The following TNS3 variants were observed in gnomAD, a reference collection of about 807,000 sequenced individuals.
TNS3 encodes the protein tensin 3.
A neutral mutation model predicts 140.9 loss-of-function variants in TNS3; 45 were observed. The observed-to-expected ratio is 0.32, with a 90% CI of 0.25 to 0.41. TNS3 has a LOEUF of 0.41. Among genes scored for constraint, TNS3 ranks in the 10% least tolerant of loss-of-function variants. TNS3 has a pLI of 1.00. For synonymous variants in TNS3, 815 were observed against 788.4 expected (o/e 1.03, Z -0.56); for missense variants, 1,716 against 1,906.7 (o/e 0.90, Z 1.86).
At chr7:47,409,396 T>A (rs1005308351) in intron 13 of TNS3, among the ~76,000 whole-genome samples, 1 of 151,390 alleles carries the variant, frequency 6.6e-6, no homozygotes, top group Non-Finnish European at 1.5e-5. Flanking sequence ...GAGAGGGCCG[T>A]CCCATGCTCT....
At chr7:47,310,113 C>T (rs781083415) in intron 20 of TNS3, among the ~76,000 whole-genome samples, 7 of 152,158 alleles carry the variant, frequency 4.6e-5, no homozygotes, top group African/African-American at 7.2e-5. Context: ...TACCAAGGCA[C>T]CAGTTCTGGA....
intron 21 of TNS3, 119 bp downstream of exon 21, chr7:47,304,713 C>T (rs1786643413): frequency 9.3e-7 from 1 of 1,075,376 alleles, no homozygotes; most frequent in Admixed American, 4.2e-5. Context: ...TCAGGCCAGT[C>T]CCTGCCTGGT....
chr7:47,361,689 G>A (rs750517332), intron 17 of TNS3, among the ~76,000 whole-genome samples: 1 of 152,136 alleles, frequency 6.6e-6, no homozygotes, highest in South Asian at 2.1e-4. Flanking sequence ...AAAGCTTACA[G>A]TTTCCATTGC....
intron 3 of TNS3, 79 bp from the exon 4 acceptor site, chr7:47,481,220 A>C: frequency 8.9e-7 from 1 of 1,119,090 alleles, no homozygotes; most frequent in Non-Finnish European, 1.2e-6. Context: ...CAGGCTCCCA[A>C]AGACTGAATG....
At chr7:47,562,502 G>T (rs549548510) in intron 1 of TNS3, among the ~76,000 whole-genome samples, 1 of 151,224 alleles carries the variant, frequency 6.6e-6, no homozygotes, top group African/African-American at 2.4e-5. Flanking sequence ...TTCTCCTGTC[G>T]CAGCCTCCCA....
At chr7:47,489,110 C>T (rs912565221) in intron 3 of TNS3, among the ~76,000 whole-genome samples, 2 of 152,188 alleles carry the variant, frequency 1.3e-5, no homozygotes, top group African/African-American at 4.8e-5. Flanking sequence ...TCTGTTATCC[C>T]ACTAAGCGTC....
chr7:47,281,787 T>C (rs552740719), intron 28 of TNS3, among the ~76,000 whole-genome samples: 5 of 152,156 alleles, frequency 3.3e-5, no homozygotes, highest in Admixed American at 1.3e-4. Flanking sequence ...AGAAATAACA[T>C]ATCTTCCAAG....
intron 1 of TNS3, among the ~76,000 whole-genome samples, chr7:47,531,418 T>C (rs1799399951): frequency 6.6e-6 from 1 of 152,016 alleles, no homozygotes; most frequent in Non-Finnish European, 1.5e-5. Context: ...AAAAAAATCA[T>C]CACCAGCTGA....
At chr7:47,562,513 A>G (rs1035288358) in intron 1 of TNS3, among the ~76,000 whole-genome samples, 2 of 151,914 alleles carry the variant, frequency 1.3e-5, no homozygotes, top group African/African-American at 4.8e-5. Flanking sequence ...CAGCCTCCCA[A>G]GTAGCTGGGA....
At chr7:47,444,934 CAA>C (rs1311662892) in intron 4 of TNS3, among the ~76,000 whole-genome samples, 1 of 152,154 alleles carries the variant, frequency 6.6e-6, no homozygotes, top group African/African-American at 2.4e-5. Flanking sequence ...TTGAATTGCA[CAA>C]AGTTGCTTAC....
chr7:47,485,254 A>G (rs1584755354), intron 3 of TNS3, among the ~76,000 whole-genome samples: 1 of 152,348 alleles, frequency 6.6e-6, no homozygotes, highest in Non-Finnish European at 1.5e-5. Context: ...ACTCCTGGGG[A>G]GGCCCACGGC....
chr7:47,351,544 C>A (rs769277854), intron 17 of TNS3, among the ~76,000 whole-genome samples: 1 of 152,134 alleles, frequency 6.6e-6, no homozygotes, highest in African/African-American at 2.4e-5. Flanking sequence ...TGAGACTCCA[C>A]GCTAGGTCCA....
At chr7:47,475,201 C>G (rs2151760110) in intron 4 of TNS3, among the ~76,000 whole-genome samples, 1 of 152,382 alleles carries the variant, frequency 6.6e-6, no homozygotes, top group South Asian at 2.1e-4. Flanking sequence ...GGAGTGTGAG[C>G]TCCAGCCTCA....
intron 20 of TNS3, among the ~76,000 whole-genome samples, chr7:47,305,456 A>G (rs143036541): frequency 1.0e-3 from 159 of 152,366 alleles, no homozygotes; most frequent in African/African-American, 1.9e-3. Flanking sequence ...AATAAAGACC[A>G]TAAGTGCAGG....
chr7:47,361,178 TTC>T (rs1790295728), intron 17 of TNS3, among the ~76,000 whole-genome samples: 1 of 113,154 alleles, frequency 8.8e-6, no homozygotes, highest in African/African-American at 3.0e-5. Context: ...TCTCAGTGCC[TTC>T]TCTTCTGGTA....
intron 3 of TNS3, among the ~76,000 whole-genome samples, chr7:47,489,669 A>G (rs1276663958): frequency 1.3e-5 from 2 of 152,246 alleles, no homozygotes; most frequent in Non-Finnish European, 2.9e-5. Context: ...TGTATCCATT[A>G]TGTCACCATT....
chr7:47,464,424 G>A (rs564583450), intron 4 of TNS3, among the ~76,000 whole-genome samples: 12 of 152,214 alleles, frequency 7.9e-5, no homozygotes, highest in Admixed American at 5.9e-4. Flanking sequence ...AGAGGCCGCC[G>A]AGTTCTCAGT....
At chr7:47,312,360 A>G (rs12672674) in intron 20 of TNS3, among the ~76,000 whole-genome samples, 27 of 152,246 alleles carry the variant, frequency 1.8e-4, no homozygotes, top group Middle Eastern at 6.8e-3. Flanking sequence ...CCCAGTACTA[A>G]GATGACTTAT....
At chr7:47,470,580 G>A in intron 4 of TNS3, 1 of 985,420 alleles carries the variant, frequency 1.0e-6, no homozygotes, top group Non-Finnish European at 1.2e-6. Context: ...GTCCAGCCCT[G>A]ACCTGGCCCA....
Sources: allele counts gnomAD v4.1 joint callset (sites outside exome capture counted in the v4.1 genomes callset), GRCh38; gene constraint gnomAD v4.1.1; transcripts MANE v1.5; gene names NCBI Gene and HGNC (gene_info 2026-07-23, HGNC 2026-07-21).